Variants in AMMECR1 observed in about 807,000 individuals in gnomAD.
AMMECR1 encodes AMMECR nuclear protein 1.
A neutral mutation model predicts 22.5 loss-of-function variants in AMMECR1; 3 were observed. The observed-to-expected ratio is 0.13, with a 90% CI of 0.06 to 0.35. AMMECR1 has a LOEUF of 0.35. AMMECR1 is among the 10% of genes least tolerant of loss of function. The probability of loss-of-function intolerance (pLI) is 1.00; values close to 1 mark genes in which losing one functional copy is unlikely to be tolerated. For synonymous variants in AMMECR1, 130 were observed against 116.7 expected (o/e 1.11, Z -0.74); for missense variants, 235 against 278.7 (o/e 0.84, Z 1.12).
At chrX:110,204,129 G>A (rs1465046325) in intron 3 of AMMECR1, among the ~76,000 whole-genome samples, 1 of 111,520 alleles carries the variant, frequency 9.0e-6, no homozygotes, top group African/African-American at 3.3e-5. Context: ...AGTGCCTGAT[G>A]AGACAATGAC....
chrX:110,216,184 C>A (rs1410074371), intron 3 of AMMECR1, among the ~76,000 whole-genome samples: 1 of 111,333 alleles, frequency 9.0e-6, no homozygotes, highest in African/African-American at 3.3e-5. Flanking sequence ...GGCGGTTATA[C>A]CAGAGTGCAC....
intron 2 of AMMECR1, among the ~76,000 whole-genome samples, chrX:110,399,897 A>G (rs778797133): frequency 8.9e-6 from 1 of 112,406 alleles, no homozygotes; most frequent in East Asian, 2.8e-4. Flanking sequence ...AAGGCAATGA[A>G]TAAGATAAGG....
intron 1 of AMMECR1, among the ~76,000 whole-genome samples, chrX:110,299,490 A>G (rs1428248424): frequency 2.7e-5 from 3 of 112,323 alleles, no homozygotes; most frequent in South Asian, 7.3e-4. Context: ...AAGCATTTTC[A>G]AAACAAGAAA....
chrX:110,431,294 G>A (rs1417397296), intron 1 of AMMECR1, among the ~76,000 whole-genome samples: 2 of 106,991 alleles, frequency 1.9e-5, no homozygotes, highest in African/African-American at 7.0e-5. Flanking sequence ...ATGAAGTGAA[G>A]GTTCATGAGA....
intron 2 of AMMECR1, among the ~76,000 whole-genome samples, chrX:110,341,551 C>T (rs1417027350): frequency 8.9e-6 from 1 of 112,243 alleles, no homozygotes; most frequent in Non-Finnish European, 1.9e-5. Context: ...GCTCTGTCCC[C>T]TGAGACATGA....
intron 2 of AMMECR1, among the ~76,000 whole-genome samples, chrX:110,406,088 T>G (rs1337622794): frequency 1.8e-5 from 2 of 110,839 alleles, no homozygotes; most frequent in African/African-American, 6.6e-5. Flanking sequence ...GGATAGTAAG[T>G]TCTTCAAGGA....
intron 2 of AMMECR1, among the ~76,000 whole-genome samples, chrX:110,249,938 GGGAAA>G (rs763712851): frequency 9.0e-6 from 1 of 110,989 alleles, no homozygotes; most frequent in Non-Finnish European, 1.9e-5. Flanking sequence ...GAAACGGAAA[GGGAAA>G]GGAAAGGAAA....
intron 5 of AMMECR1, 43 bp from the exon 6 acceptor site, chrX:110,198,677 A>G (rs749748050): frequency 2.1e-6 from 2 of 935,730 alleles, no homozygotes; most frequent in East Asian, 6.2e-5. Context: ...ATTGAGAAGT[A>G]GGTGACATGC....
intron 2 of AMMECR1, among the ~76,000 whole-genome samples, chrX:110,353,555 T>C (rs7053181): frequency 0.017 from 1,878 of 112,221 alleles, 32 homozygotes; most frequent in African/African-American, 0.056. Flanking sequence ...CTTTTGAAAT[T>C]TCCTTCTTTG....
At chrX:110,345,046 G>A (rs2068182499) in intron 2 of AMMECR1, among the ~76,000 whole-genome samples, 1 of 112,151 alleles carries the variant, frequency 8.9e-6, no homozygotes, top group Non-Finnish European at 1.9e-5. Flanking sequence ...ACATGCACAT[G>A]TATGTTTATT....
intron 2 of AMMECR1, among the ~76,000 whole-genome samples, chrX:110,239,811 G>A (rs2067621155): frequency 1.8e-5 from 2 of 111,416 alleles, no homozygotes; most frequent in African/African-American, 3.3e-5. Context: ...GAGAAAGGTC[G>A]GGTTACCCAC....
At chrX:110,432,352 T>C (rs2068803119) in intron 1 of AMMECR1, among the ~76,000 whole-genome samples, 1 of 112,312 alleles carries the variant, frequency 8.9e-6, no homozygotes, top group African/African-American at 3.2e-5. Flanking sequence ...TTTCTAGGCA[T>C]TTAGCTGTGG....
intron 2 of AMMECR1, among the ~76,000 whole-genome samples, chrX:110,377,245 A>T (rs927907647): frequency 6.3e-5 from 7 of 111,961 alleles, no homozygotes; most frequent in African/African-American, 2.3e-4. Flanking sequence ...TCTGCCCAGT[A>T]GCGCTATATG....
Position 110,385,527 on chromosome X carries a change from C to T in AMMECR1, c.-148+41131G>A, listed in dbSNP as rs1256678069. 1.4e-4 allele frequency among the ~76,000 whole-genome samples: 16 copies of T among 111,514 alleles called. No homozygotes were observed. In the Admixed American group the frequency reaches 1.5e-3, roughly 11 times the overall value. On this transcript the variant is annotated intron_variant, in intron 2 of 7. Coordinates refer to the AMMECR1 transcript ENST00000372057. The stretch of plus-strand genomic sequence containing the variant: ...TTTCCATCCCTGAAGCTCCCTCTCC[C>T]CCTTCCCAGCTCCAGGTAATCACTA...
At chrX:110,247,384 C>T (rs1202077642) in intron 2 of AMMECR1, among the ~76,000 whole-genome samples, 2 of 111,616 alleles carry the variant, frequency 1.8e-5, no homozygotes, top group Non-Finnish European at 3.8e-5. Flanking sequence ...GGTGAAACCC[C>T]GTCTCTACAA....
At chrX:110,421,169 A>G (rs1271699838) in intron 2 of AMMECR1, among the ~76,000 whole-genome samples, 1 of 112,312 alleles carries the variant, frequency 8.9e-6, no homozygotes, top group East Asian at 2.8e-4. Flanking sequence ...GATCACTCTG[A>G]TGTATGTCAC....
At chrX:110,268,393 ACT>A (rs1050214136) in intron 1 of AMMECR1, among the ~76,000 whole-genome samples, 3 of 111,976 alleles carry the variant, frequency 2.7e-5, no homozygotes, top group African/African-American at 9.8e-5. Flanking sequence ...AAAATCTGGG[ACT>A]CTAATTTCTC....
At chrX:110,308,404 T>C (rs765961240) in intron 1 of AMMECR1, among the ~76,000 whole-genome samples, 12 of 111,371 alleles carry the variant, frequency 1.1e-4, no homozygotes, top group Non-Finnish European at 2.1e-4. Flanking sequence ...GTGACTCTCT[T>C]TCTCCACACA....
chrX:110,357,333 T>C (rs891864243), intron 2 of AMMECR1, among the ~76,000 whole-genome samples: 4 of 112,210 alleles, frequency 3.6e-5, no homozygotes, highest in Non-Finnish European at 7.5e-5. Context: ...ATAAATCTTA[T>C]AAATTGTGCC....
Sources: allele counts gnomAD v4.1 joint callset (sites outside exome capture counted in the v4.1 genomes callset), GRCh38; gene constraint gnomAD v4.1.1; transcripts MANE v1.5; gene names NCBI Gene and HGNC (gene_info 2026-07-23, HGNC 2026-07-21).